GREB1L: variants seen among roughly 807,000 people sequenced by gnomAD.
GREB1L encodes GREB1 like retinoic acid receptor coactivator.
Under a neutral mutation model 200.8 loss-of-function variants are expected in GREB1L, and 17 were observed. The ratio of observed to expected loss-of-function variants is 0.08; its 90% CI spans 0.06 to 0.13. The LOEUF (loss-of-function observed/expected upper bound fraction) is 0.13. Among genes scored for constraint, GREB1L ranks in the 10% least tolerant of loss-of-function variants. The pLI is 1.00. For synonymous variants in GREB1L, 789 were observed against 893.0 expected (o/e 0.88, Z 2.08); for missense variants, 1,657 against 2,367.7 (o/e 0.70, Z 6.23).
At chr18:21,395,653 C>A (rs1170806606) in intron 5 of GREB1L, 92 bp downstream of exon 5, 2 of 893,864 alleles carry the variant, frequency 2.2e-6, no homozygotes, top group South Asian at 1.8e-5. Context: ...AAAAAATATA[C>A]CAGAGGATTA....
At chr18:21,456,723 T>C (rs545063435) in intron 15 of GREB1L, among the ~76,000 whole-genome samples, 3 of 152,296 alleles carry the variant, frequency 2.0e-5, no homozygotes, top group South Asian at 2.1e-4. Flanking sequence ...GGTGATGAGC[T>C]GGAAAAGGTC....
At chr18:21,425,903 T>C (rs950039467) in intron 7 of GREB1L, among the ~76,000 whole-genome samples, 4 of 152,220 alleles carry the variant, frequency 2.6e-5, no homozygotes, top group African/African-American at 9.7e-5. Context: ...GACTAATTCA[T>C]GTATATTTTC....
chr18:21,292,605 CAT>C (rs2038467336), intron 1 of GREB1L, among the ~76,000 whole-genome samples: 1 of 152,174 alleles, frequency 6.6e-6, no homozygotes, highest in Non-Finnish European at 1.5e-5. Flanking sequence ...GGAATTATAT[CAT>C]GTGTCGCCCT....
At chr18:21,446,374 A>G (rs2034218860) in intron 11 of GREB1L, among the ~76,000 whole-genome samples, 1 of 152,244 alleles carries the variant, frequency 6.6e-6, no homozygotes, top group Admixed American at 6.5e-5. Context: ...ATTTAATTAA[A>G]TGAACCAAGT....
intron 1 of GREB1L, among the ~76,000 whole-genome samples, chr18:21,261,846 A>G (rs1323280161): frequency 6.6e-6 from 1 of 152,128 alleles, no homozygotes; most frequent in Non-Finnish European, 1.5e-5. Context: ...TGTTTATTCT[A>G]AATACCTTTA....
intron 25 of GREB1L, among the ~76,000 whole-genome samples, chr18:21,506,889 C>T (rs1277855110): frequency 2.0e-5 from 3 of 152,184 alleles, no homozygotes; most frequent in African/African-American, 7.2e-5. Context: ...ATATCCAGAG[C>T]TTACTTCCCC....
At chr18:21,487,729 G>A (rs11659857) in intron 18 of GREB1L, among the ~76,000 whole-genome samples, 90,536 of 151,928 alleles carry the variant, frequency 0.6, 31,765 homozygotes, top group Non-Finnish European at 0.8. Flanking sequence ...GGCTGGGCGC[G>A]GTGGCTCATG....
intron 1 of GREB1L, among the ~76,000 whole-genome samples, chr18:21,355,722 G>C (rs147713905): frequency 2.6e-5 from 4 of 152,294 alleles, no homozygotes; most frequent in African/African-American, 9.6e-5. Context: ...TGTTAGATGA[G>C]AACTGAAAAA....
At chr18:21,461,041 G>A (rs1321711985) in intron 15 of GREB1L, among the ~76,000 whole-genome samples, 1 of 150,224 alleles carries the variant, frequency 6.7e-6, no homozygotes, top group Non-Finnish European at 1.5e-5. Context: ...AGGTTGCAGT[G>A]AGCCGAGATC....
chr18:21,264,117 G>T (rs1485189574), intron 1 of GREB1L, among the ~76,000 whole-genome samples: 2 of 152,058 alleles, frequency 1.3e-5, no homozygotes, highest in Non-Finnish European at 2.9e-5. Context: ...ATTCATTTGT[G>T]TAGATAAAGG....
Position 21,300,267 on chromosome 18 carries a change from G to T in GREB1L, c.-120+57874G>T, listed in dbSNP as rs2038596831. Among the ~76,000 whole-genome samples the T allele has an allele frequency of 2.0e-5, 3 of 152,196 alleles. No homozygotes were observed. In the South Asian group the frequency reaches 6.2e-4, roughly 31 times the overall value. ...TCATGATAAATGGCTGACTTCAAGT[G>T]ACATTCCTTCACGGATTTCCCACTA... On this transcript the variant is annotated intron_variant, in intron 1 of 32. Transcript: ENST00000424526.
intron 1 of GREB1L, among the ~76,000 whole-genome samples, chr18:21,349,306 C>T (rs1157921297): frequency 1.3e-5 from 2 of 152,000 alleles, no homozygotes; most frequent in African/African-American, 2.4e-5. Context: ...GTATAAGTCT[C>T]CTTACAGAGA....
At chr18:21,454,223 T>C (rs2034653036) in intron 14 of GREB1L, 143 bp from the exon 15 acceptor site, 1 of 634,214 alleles carries the variant, frequency 1.6e-6, no homozygotes, top group Non-Finnish European at 2.8e-6. Flanking sequence ...TAAAACTCAA[T>C]AGAGAGTGCA....
At chr18:21,491,488 T>A (rs1040874483) in intron 19 of GREB1L, among the ~76,000 whole-genome samples, 4 of 151,944 alleles carry the variant, frequency 2.6e-5, no homozygotes, top group Non-Finnish European at 4.4e-5. Context: ...GGCAGACAGA[T>A]CAGGAGGTCA....
chr18:21,252,634 G>A (rs143961036), intron 1 of GREB1L, among the ~76,000 whole-genome samples: 2,243 of 151,596 alleles, frequency 0.015, 58 homozygotes, highest in African/African-American at 0.051. Flanking sequence ...TTGGGAGGCC[G>A]AGGTGGGTGG....
At chr18:21,434,382 A>C (rs2033373727) in intron 7 of GREB1L, among the ~76,000 whole-genome samples, 1 of 151,882 alleles carries the variant, frequency 6.6e-6, no homozygotes, top group Admixed American at 6.6e-5. Context: ...AGGCTGAGGC[A>C]GGAGAATCTC....
chr18:21,304,528 T>C (rs75043295), intron 1 of GREB1L, among the ~76,000 whole-genome samples: 2 of 152,072 alleles, frequency 1.3e-5, no homozygotes, highest in Admixed American at 6.6e-5. Context: ...AAAAAAAAAG[T>C]ACGTGTGACC....
chr18:21,524,531 G>A lies in GREB1L; in HGVS notation c.*1710G>A, dbSNP rs2037652722. The A allele has an allele frequency of 6.6e-6, 1 of 152,098 alleles. No individual in the cohort carries two copies. Among genetic ancestry groups the A allele is most frequent in the African/African-American group, 2.4e-5 (1 of 41,412 alleles). 9.4% of individuals were successfully genotyped at this position (152,098 alleles called of 1,614,324 possible). ...GTTTAAATATGAATGTATTTCACTT[G>A]TTCCTGTTTTGTTGAAAGGGCCTAA... On this transcript the variant is annotated 3_prime_UTR_variant, in exon 33 of 33. Coordinates refer to ENST00000424526, the MANE Select transcript of GREB1L (RefSeq NM_001142966.3).
At position 21,401,329 on chromosome 18, in the gene GREB1L, AG is replaced by A. The variant is rs2041306758; in HGVS notation, c.709+4del. On this transcript the variant is annotated splice_donor_region_variant and intron_variant, in intron 6 of 32. Transcript: ENST00000424526. ...AGGACCTCTTATCTGCTGGAAAGGT[AG>A]TCAATTTCCAGGAAGAAAAGGGGAG... The A allele has an allele frequency of 6.5e-7, 1 of 1,545,744 alleles. No individual in the cohort carries two copies. Among genetic ancestry groups the A allele is most frequent in the Non-Finnish European group, 8.7e-7 (1 of 1,143,828 alleles).
Sources: gnomAD v4.1 joint callset for allele counts (sites outside exome capture counted in the v4.1 genomes callset) on GRCh38, gnomAD v4.1.1 for gene constraint, MANE v1.5 for transcripts, NCBI Gene and HGNC (gene_info 2026-07-23, HGNC 2026-07-21) for gene names.